The following ZRANB2 variants were observed in gnomAD, a reference collection of about 807,000 sequenced individuals.
The protein encoded by ZRANB2 is zinc finger Ran-binding domain-containing protein 2.
A neutral mutation model predicts 53.4 loss-of-function variants in ZRANB2; 19 were observed. The observed-to-expected ratio is 0.36, with a 90% CI of 0.25 to 0.52. The LOEUF is 0.52. Ranked by LOEUF, ZRANB2 falls within the 20% of genes least tolerant of loss-of-function variation. The probability of loss-of-function intolerance (pLI) is 0.93; values close to 1 mark genes in which losing one functional copy is unlikely to be tolerated. For synonymous variants in ZRANB2, 145 were observed against 134.8 expected (o/e 1.08, Z -0.52); for missense variants, 309 against 401.1 (o/e 0.77, Z 1.96).
intron 1 of ZRANB2, among the ~76,000 whole-genome samples, chr1:71,079,831 C>T (rs746453339): frequency 6.6e-6 from 1 of 152,148 alleles, no homozygotes; most frequent in Admixed American, 6.5e-5. Flanking sequence ...CCACTCAGAG[C>T]AATACTATCC....
rs968904351 is a variant in ZRANB2, at chr1:71,080,811, G to C, written c.56+129C>G. On this transcript the variant is annotated intron_variant, in intron 1 of 9. Coordinates refer to ENST00000370920, the MANE Select transcript of ZRANB2 (RefSeq NM_203350.3). ...GATTGGGAGCCTTCTTCCCGCCAGG[G>C]AACTGGCGGTTCGCCGCCTCAACCC... 8.6e-6 allele frequency: 9 copies of C among 1,043,014 alleles called. No individual in the cohort carries two copies. The African/African-American group carries it at 1.1e-4, about 13-fold the overall frequency. 64.6% of individuals were successfully genotyped at this position (1,043,014 alleles called of 1,614,324 possible).
In ZRANB2 at chr1:71,081,008, C is replaced by A. The variant is rs1661835097; in HGVS notation, c.-13G>T. 2 of 1,614,138 alleles carry A rather than the reference C, an allele frequency of 1.2e-6. No homozygotes were observed. Among genetic ancestry groups the A allele is most frequent in the African/African-American group, 2.7e-5 (2 of 75,018 alleles). On this transcript the variant is annotated 5_prime_UTR_variant, in exon 1 of 10. Coordinates refer to ENST00000370920, the MANE Select transcript of ZRANB2 (RefSeq NM_203350.3). ...TCTTGGTCGACATCTTGAACGCCAC[C>A]AGCACAGCCACCCGCAGCTATGTCT... is the stretch of plus-strand genomic sequence containing the variant.
Position 71,065,113 on chromosome 1 carries a change from T to TG in ZRANB2, c.953dup (p.Ser319IlefsTer16). Reference sequence around the variant, plus strand: ...AACTTGAACGGGAACCAGAATGGGATGATCCAGATGATGACCTGTGGCGTC... The same window carrying TG: ...AACTTGAACGGGAACCAGAATGGGATGGATCCAGATGATGACCTGTGGCGTC... On this transcript the variant is annotated frameshift_variant, in exon 10 of 10. Coordinates refer to ENST00000370920, the MANE Select transcript of ZRANB2 (RefSeq NM_203350.3). LOFTEE classifies it high-confidence loss of function. The TG allele has an allele frequency of 6.2e-7, 1 of 1,611,788 alleles. No homozygotes were observed. Among genetic ancestry groups the TG allele is most frequent in the Non-Finnish European group, 8.5e-7 (1 of 1,178,546 alleles).
intron 4 of ZRANB2, among the ~76,000 whole-genome samples, chr1:71,074,244 G>A (rs1376324393): frequency 1.3e-5 from 2 of 152,026 alleles, no homozygotes; most frequent in Non-Finnish European, 2.9e-5. Context: ...ATGTCTTCAA[G>A]GAATGAATAC....
At chr1:71,080,115 G>A (rs1035639897) in intron 1 of ZRANB2, among the ~76,000 whole-genome samples, 1 of 151,840 alleles carries the variant, frequency 6.6e-6, no homozygotes, top group East Asian at 1.9e-4. Flanking sequence ...GGCTAACTTA[G>A]GTACAACAAA....
rs767621262 is a variant in ZRANB2, at chr1:71,080,988, G to A, written c.8C>T (p.Thr3Ile). 2 of 1,613,982 alleles carry A rather than the reference G, an allele frequency of 1.2e-6. No individual in the cohort carries two copies. Among genetic ancestry groups the A allele is most frequent in the African/African-American group, 1.3e-5 (1 of 74,890 alleles). Residue 3 changes from threonine to isoleucine, a missense_variant, in exon 1 of 10, where the codon ACC becomes ATC. Coordinates refer to ENST00000370920, the MANE Select transcript of ZRANB2 (RefSeq NM_203350.3). MSTKNFRVSDGDW... is the reference protein window; with the variant it reads MSIKNFRVSDGDW... ...CCCGTCACTGACTCGGAAATTCTTG[G>A]TCGACATCTTGAACGCCACCAGCAC...
intron 8 of ZRANB2, chr1:71,067,690 G>A (rs1271550107): frequency 4.6e-6 from 2 of 430,762 alleles, no homozygotes; most frequent in South Asian, 3.5e-5. Context: ...AAGCCCAAAA[G>A]GAGAATTCTT....
chr1:71,078,854 C>A, intron 1 of ZRANB2, 146 bp from the exon 2 acceptor site: 1 of 702,706 alleles, frequency 1.4e-6, no homozygotes, highest in Non-Finnish European at 2.4e-6. Flanking sequence ...AAACTCCACA[C>A]AATTTACTGG....
intron 8 of ZRANB2, among the ~76,000 whole-genome samples, chr1:71,068,363 C>T (rs746931326): frequency 2.6e-5 from 4 of 152,096 alleles, no homozygotes; most frequent in Admixed American, 6.6e-5. Context: ...TTTTTAGATG[C>T]CTTTAGGTCA....
At position 71,076,872 on chromosome 1, in the gene ZRANB2, C is replaced by T; in HGVS notation, c.224G>A (p.Ser75Asn). The change falls in exon 4 of 10, where the codon AGC becomes AAC. Residue 75 changes from serine (S) to asparagine (N), a missense_variant. This residue lies in a region of ZRANB2 where 74 missense variants were observed against 180.1 expected (regional missense o/e 0.41). Transcript: ENST00000370920. Reference protein sequence around the residue: ...SANDWQCKTCSNVNWARRSEC... With the variant: ...SANDWQCKTCNNVNWARRSEC... ...TGATCTTCTGGCCCAATTCACATTG[C>T]TGCAACTTTAGAAGTGAAAAATACT... The T allele has an allele frequency of 6.2e-7, 1 of 1,611,572 alleles. No homozygotes were observed. The highest frequency in any genetic ancestry group is 8.5e-7 in the Non-Finnish European group (1 of 1,178,610).
At chr1:71,070,352 G>C (rs994255706) in intron 7 of ZRANB2, among the ~76,000 whole-genome samples, 6 of 152,080 alleles carry the variant, frequency 3.9e-5, no homozygotes, top group African/African-American at 1.4e-4. Context: ...GAAGTCAACA[G>C]AACTAATATG....
chr1:71,069,779 T>G (rs1367076495), intron 7 of ZRANB2, among the ~76,000 whole-genome samples: 2 of 152,176 alleles, frequency 1.3e-5, no homozygotes, highest in Non-Finnish European at 2.9e-5. Context: ...TACAAAGTTT[T>G]GAATGTTGGC....
intron 6 of ZRANB2, among the ~76,000 whole-genome samples, chr1:71,071,794 C>A (rs1454309479): frequency 6.6e-6 from 1 of 152,156 alleles, no homozygotes; most frequent in Non-Finnish European, 1.5e-5. Context: ...TAGACATTAT[C>A]CATCGGCAAA....
chr1:71,080,080 C>CT (rs1422514916), intron 1 of ZRANB2, among the ~76,000 whole-genome samples: 1 of 151,940 alleles, frequency 6.6e-6, no homozygotes, highest in Non-Finnish European at 1.5e-5. Flanking sequence ...AAAGTTTTTG[C>CT]TTTTTACAAT....
intron 4 of ZRANB2, among the ~76,000 whole-genome samples, chr1:71,075,771 G>A (rs1386503339): frequency 6.6e-6 from 1 of 151,984 alleles, no homozygotes; most frequent in African/African-American, 2.4e-5. Context: ...TTACCCAATC[G>A]GTGGAAAGGC....
At position 71,064,340 on chromosome 1, in the gene ZRANB2, T is replaced by G. The variant is rs1270141208; in HGVS notation, c.*734A>C. Reference sequence around the variant, plus strand: ...TATCACACAAAGCTTCTTAAAACATTGGTAAACATTTTGAGATGTCTTTAT... The same window carrying G: ...TATCACACAAAGCTTCTTAAAACATGGGTAAACATTTTGAGATGTCTTTAT... On this transcript the variant is annotated 3_prime_UTR_variant, in exon 10 of 10. Transcript: ENST00000370920. 2 of 152,182 alleles carry G rather than the reference T, an allele frequency of 1.3e-5. No individual in the cohort carries two copies. The highest frequency in any genetic ancestry group is 4.8e-5 in the African/African-American group (2 of 41,446). The allele number at this position is 152,182 out of a possible 1,614,324, so 9.4% of individuals were successfully genotyped here. A position where few individuals can be genotyped will look rare whatever the true frequency, so the allele number is the denominator to read the frequency against.
chr1:71,080,499 G>A (rs1005077276), intron 1 of ZRANB2, among the ~76,000 whole-genome samples: 2 of 152,116 alleles, frequency 1.3e-5, no homozygotes, highest in Non-Finnish European at 2.9e-5. Flanking sequence ...ACAAAACAAG[G>A]TGAACTATAA....
intron 8 of ZRANB2, chr1:71,067,527 A>C (rs1481774068): frequency 9.1e-6 from 3 of 330,944 alleles, no homozygotes; most frequent in Non-Finnish European, 1.8e-5. Flanking sequence ...ACTACTTATG[A>C]AATATGAAGT....
chr1:71,063,843 C>T lies in ZRANB2; in HGVS notation c.*1231G>A, dbSNP rs986938510. On this transcript the variant is annotated 3_prime_UTR_variant, in exon 10 of 10. Transcript: ENST00000370920. ...TAATTTTTATTTAAATTGCAGCAGA[C>T]AATGTTACGGAAAAAAAACAAGAAA... 7.9e-5 allele frequency: 12 copies of T among 152,136 alleles called. No individual in the cohort carries two copies. Among genetic ancestry groups the T allele is most frequent in the Admixed American group, 3.3e-4 (5 of 15,210 alleles). The allele number at this position is 152,136 out of a possible 1,614,324, so 9.4% of individuals were successfully genotyped here. A position where few individuals can be genotyped will look rare whatever the true frequency, so the allele number is the denominator to read the frequency against.
Sources: allele counts gnomAD v4.1 joint callset (sites outside exome capture counted in the v4.1 genomes callset), GRCh38; gene constraint gnomAD v4.1.1; regional missense constraint gnomAD v4.1.1; transcripts MANE v1.5; gene names NCBI Gene and HGNC (gene_info 2026-07-23, HGNC 2026-07-21).